The following NSMAF variants were observed in gnomAD, a reference collection of about 807,000 sequenced individuals.
The protein encoded by NSMAF is neutral sphingomyelinase activation associated factor, also known as protein FAN.
Under a neutral mutation model 134.9 loss-of-function variants are expected in NSMAF, and 90 were observed. The observed-to-expected ratio is 0.67, with a 90% CI of 0.56 to 0.79. The LOEUF (loss-of-function observed/expected upper bound fraction) is 0.79, where lower values mean the gene tolerates loss of function less well. NSMAF is among the 30% of genes least tolerant of loss of function. The pLI is 0.00. For synonymous variants in NSMAF, 358 were observed against 389.6 expected (o/e 0.92, Z 0.96); for missense variants, 1,010 against 1,119.0 (o/e 0.90, Z 1.39).
At chr8:58,599,595 C>T (rs1806226587) in intron 18 of NSMAF, 155 bp downstream of exon 18, 1 of 915,780 alleles carries the variant, frequency 1.1e-6, no homozygotes, top group East Asian at 2.6e-5. Context: ...ACATCACAGA[C>T]TCATAGAATA....
At chr8:58,599,465 A>AG in intron 18 of NSMAF, 102 bp from the exon 19 acceptor site, 3 of 1,289,210 alleles carry the variant, frequency 2.3e-6, no homozygotes. Context: ...GACAGGCAAG[A>AG]GGTCCATATT....
chr8:58,648,275 G>T (rs979205606), intron 1 of NSMAF, among the ~76,000 whole-genome samples: 3 of 152,310 alleles, frequency 2.0e-5, no homozygotes, highest in Non-Finnish European at 4.4e-5. Context: ...TGGTCTGGCT[G>T]CTTCTAAAAG....
At chr8:58,595,015 T>C (rs1259694075) in intron 22 of NSMAF, 1 of 155,252 alleles carries the variant, frequency 6.4e-6, no homozygotes, top group African/African-American at 2.4e-5. Context: ...TTCTCGAGCC[T>C]TTCTACCAGA....
chr8:58,646,551 G>C (rs1224239435), intron 1 of NSMAF, among the ~76,000 whole-genome samples: 3 of 152,084 alleles, frequency 2.0e-5, no homozygotes, highest in African/African-American at 4.8e-5. Context: ...ACAGTGAAGG[G>C]ATATAACCAA....
intron 9 of NSMAF, among the ~76,000 whole-genome samples, chr8:58,618,846 G>C (rs372587493): frequency 1.3e-5 from 2 of 152,088 alleles, no homozygotes; most frequent in East Asian, 3.9e-4. Flanking sequence ...TTATCTTAGC[G>C]GAAGTTTACC....
intron 1 of NSMAF, among the ~76,000 whole-genome samples, chr8:58,657,919 T>C (rs961099455): frequency 2.0e-5 from 3 of 152,190 alleles, no homozygotes; most frequent in Non-Finnish European, 2.9e-5. Context: ...CAAAGCAGCA[T>C]ATACATGGAA....
intron 1 of NSMAF, among the ~76,000 whole-genome samples, chr8:58,644,728 A>G (rs898150503): frequency 1.3e-5 from 2 of 152,218 alleles, no homozygotes; most frequent in Admixed American, 6.5e-5. Flanking sequence ...ATGCCCATCA[A>G]TGATAGACTG....
In NSMAF at chr8:58,601,799, T is replaced by C. The variant is rs112104200; in HGVS notation, c.1125+259A>G. ...TAGAACTGATTTTATGTGTCTCTTA[T>C]GCGATTTACCACAGAATGCCTTCAT... On this transcript the variant is annotated intron_variant, in intron 14 of 30. Coordinates refer to ENST00000038176, the MANE Select transcript of NSMAF (RefSeq NM_003580.4). 4.7e-3 allele frequency among the ~76,000 whole-genome samples: 720 copies of C among 152,342 alleles called. 7 individuals are homozygous for C. Among genetic ancestry groups the C allele is most frequent in the African/African-American group, 0.016 (671 of 41,584 alleles).
At chr8:58,616,241 C>T (rs932107010) in intron 9 of NSMAF, among the ~76,000 whole-genome samples, 3 of 151,958 alleles carry the variant, frequency 2.0e-5, no homozygotes, top group Non-Finnish European at 2.9e-5. Flanking sequence ...TTTCTGAAAA[C>T]CGGAGATAAA....
At chr8:58,593,553 T>C (rs1292557533) in intron 23 of NSMAF, among the ~76,000 whole-genome samples, 1 of 152,228 alleles carries the variant, frequency 6.6e-6, no homozygotes, top group Admixed American at 6.5e-5. Context: ...GCAAAGATAC[T>C]ACCCTTCCAT....
chr8:58,656,597 C>T (rs984749829), intron 1 of NSMAF, among the ~76,000 whole-genome samples: 8 of 152,026 alleles, frequency 5.3e-5, no homozygotes, highest in South Asian at 2.1e-4. Flanking sequence ...GAGGCCAAGG[C>T]GGGTGGGTGG....
chr8:58,603,269 T>C lies in NSMAF; in HGVS notation c.986A>G (p.Asp329Gly), dbSNP rs776014756. 3.1e-6 allele frequency: 5 copies of C among 1,614,074 alleles called. No homozygotes were observed. The Admixed American group carries it at 6.7e-5, about 22-fold the overall frequency. Residue 329 changes from aspartate to glycine, a missense_variant, in exon 13 of 31, where the codon GAC (aspartate) becomes GGC (glycine). Asp to Gly is a moderately conservative substitution (Grantham distance 94). Coordinates refer to ENST00000038176, the MANE Select transcript of NSMAF (RefSeq NM_003580.4). ...LNNLADRSCNDLSQYPVFPWI... is the reference protein window; with the variant it reads ...LNNLADRSCNGLSQYPVFPWI... Reference sequence around the variant, plus strand: ...TGGAAACACAGGGTACTGGGAGAGGTCGTTGCAGCTGCGGTCGGCCAGGTT... The same window carrying C: ...TGGAAACACAGGGTACTGGGAGAGGCCGTTGCAGCTGCGGTCGGCCAGGTT...
chr8:58,617,884 C>G (rs2129143540), intron 9 of NSMAF, among the ~76,000 whole-genome samples: 1 of 152,240 alleles, frequency 6.6e-6, no homozygotes, highest in Admixed American at 6.5e-5. Flanking sequence ...TGGCACTATT[C>G]ACAATAGCAA....
Position 58,588,680 on chromosome 8 carries a change from A to T in NSMAF, c.2211+772T>A, listed in dbSNP as rs1202913996. On this transcript the variant is annotated intron_variant, in intron 26 of 30. Transcript: ENST00000038176. The stretch of plus-strand genomic sequence containing the variant: ...TTAATGGCCTTGTCCTTGGGCATGC[A>T]TCGGGCACAGTTAGTGCAGCGAATA... 3 of 1,545,402 alleles carry T rather than the reference A, an allele frequency of 1.9e-6. No individual in the cohort carries two copies. In the South Asian group the frequency reaches 3.3e-5, roughly 17 times the overall value.
intron 1 of NSMAF, among the ~76,000 whole-genome samples, chr8:58,650,511 A>C (rs1807560454): frequency 6.6e-6 from 1 of 152,168 alleles, no homozygotes; most frequent in Non-Finnish European, 1.5e-5. Context: ...TCCTCACAAA[A>C]GATCATTTGG....
In NSMAF at chr8:58,639,802, T is replaced by C. The variant is rs934600247; in HGVS notation, c.149+3182A>G. 7.9e-5 allele frequency among the ~76,000 whole-genome samples: 12 copies of C among 152,130 alleles called. 1 individual carries two copies. Among genetic ancestry groups the C allele is most frequent in the Admixed American group, 6.5e-4 (10 of 15,270 alleles). On this transcript the variant is annotated intron_variant, in intron 2 of 30. Coordinates refer to ENST00000038176, the MANE Select transcript of NSMAF (RefSeq NM_003580.4). Reference sequence around the variant, plus strand: ...ATACATACATACACACAATGGAATATTATTCAGCCTCAAAAAAGGAAATCC... The same window carrying C: ...ATACATACATACACACAATGGAATACTATTCAGCCTCAAAAAAGGAAATCC...
At chr8:58,627,321 C>G (rs112972156) in intron 6 of NSMAF, among the ~76,000 whole-genome samples, 210 of 152,280 alleles carry the variant, frequency 1.4e-3, no homozygotes, top group African/African-American at 4.6e-3. Context: ...AGGTTACCCA[C>G]TTTCACCACT....
At chr8:58,588,471 T>A (rs1351031937) in intron 26 of NSMAF, 3 of 1,186,672 alleles carry the variant, frequency 2.5e-6, no homozygotes, top group Non-Finnish European at 3.7e-6. Flanking sequence ...TAAATTGGGG[T>A]GGGGGTGTTC....
At chr8:58,654,316 C>T (rs1807652461) in intron 1 of NSMAF, among the ~76,000 whole-genome samples, 1 of 152,146 alleles carries the variant, frequency 6.6e-6, no homozygotes, top group Non-Finnish European at 1.5e-5. Context: ...AAAGTTGGGC[C>T]GGGCGTGGTG....
Sources: gnomAD v4.1 joint callset for allele counts (sites outside exome capture counted in the v4.1 genomes callset) on GRCh38, gnomAD v4.1.1 for gene constraint, MANE v1.5 for transcripts, NCBI Gene and HGNC (gene_info 2026-07-23, HGNC 2026-07-21) for gene names.